Variants in SBNO2 observed in about 807,000 individuals in gnomAD.
SBNO2 encodes the protein strawberry notch homolog 2.
Under a neutral mutation model 146.3 loss-of-function variants are expected in SBNO2, and 89 were observed. The ratio of observed to expected loss-of-function variants is 0.61; its 90% CI spans 0.51 to 0.73. SBNO2 has a LOEUF of 0.73. Among genes scored for constraint, SBNO2 ranks in the 30% least tolerant of loss-of-function variants. The probability of loss-of-function intolerance (pLI) is 0.00; values close to 1 mark genes in which losing one functional copy is unlikely to be tolerated. For synonymous variants in SBNO2, 1,147 were observed against 892.6 expected (o/e 1.29, Z -5.08); for missense variants, 2,092 against 2,003.7 (o/e 1.04, Z -0.84).
At chr19:1,121,302 A>G (rs2079898247) in intron 11 of SBNO2, among the ~76,000 whole-genome samples, 1 of 152,252 alleles carries the variant, frequency 6.6e-6, no homozygotes, top group South Asian at 2.1e-4. Flanking sequence ...GTAGCAGCTC[A>G]GCGAGGTATG....
intron 4 of SBNO2, 90 bp from the exon 5 acceptor site, chr19:1,127,855 C>G: frequency 8.3e-7 from 1 of 1,207,046 alleles, no homozygotes; most frequent in East Asian, 2.4e-5. Flanking sequence ...GGAGACACCA[C>G]GGCCCTCCAC....
chr19:1,156,535 C>A (rs1034541317), intron 1 of SBNO2, among the ~76,000 whole-genome samples: 2 of 152,142 alleles, frequency 1.3e-5, no homozygotes, highest in African/African-American at 2.4e-5. Context: ...CCACACCACA[C>A]AGAAACGTGG....
intron 15 of SBNO2, 103 bp downstream of exon 15, chr19:1,117,220 C>A (rs1393960939): frequency 3.3e-6 from 4 of 1,225,372 alleles, no homozygotes; most frequent in Non-Finnish European, 4.5e-6. Flanking sequence ...GGGTGCAGCC[C>A]CCGCCCACGT....
rs1328417971 is a variant in SBNO2 at position 1,137,191 on chromosome 19, GT to G, written c.280-9427del. On this transcript the variant is annotated intron_variant, in intron 4 of 31. Coordinates refer to ENST00000361757, the MANE Select transcript of SBNO2 (RefSeq NM_014963.3). Reference sequence around the variant, plus strand: ...GGGGAGAGGCTTGGGCTGGGGTGCGGTTGGGGGAGGCTGGCACTGGGGTGCA... The same window carrying G: ...GGGGAGAGGCTTGGGCTGGGGTGCGGTGGGGGAGGCTGGCACTGGGGTGCA... Among the ~76,000 whole-genome samples the G allele has an allele frequency of 2.5e-4, 34 of 134,150 alleles. 2 individuals are homozygous for G. The highest frequency in any genetic ancestry group is 1.0e-3 in the African/African-American group (33 of 32,958). 88.0% of individuals were successfully genotyped at this position (134,150 alleles called of 152,430 possible).
At chr19:1,121,639 C>T (rs368766057) in intron 11 of SBNO2, among the ~76,000 whole-genome samples, 2 of 152,186 alleles carry the variant, frequency 1.3e-5, no homozygotes, top group Non-Finnish European at 1.5e-5. Flanking sequence ...GGAGCCCCTC[C>T]GAACCGCAGC....
rs1021725248 is a variant in SBNO2 at position 1,112,418 on chromosome 19, G to A, written c.2499C>T (p.Arg833=). 5.5e-5 allele frequency: 89 copies of A among 1,604,366 alleles called. No individual in the cohort carries two copies. The highest frequency in any genetic ancestry group is 6.9e-5 in the Non-Finnish European group (81 of 1,177,952). Residue 833 remains arginine (R), a synonymous_variant, in exon 21 of 32, where the codon CGC becomes CGT. Transcript: ENST00000361757. The surrounding 1 kb of genome is among the most constrained non-coding windows in gnomAD (Gnocchi z 5.9). The part of the protein sequence containing the change: ...MTLELPWSAD[R]AIQQFGRTHR... ...CGGACTCACCGAACTGCTGGATGGC[G>A]CGGTCGGCGCTCCACGGCAGCTCCA...
At chr19:1,129,833 C>G (rs2080008421) in intron 4 of SBNO2, among the ~76,000 whole-genome samples, 1 of 152,162 alleles carries the variant, frequency 6.6e-6, no homozygotes, top group Non-Finnish European at 1.5e-5. Context: ...ATGCGTGGGT[C>G]ACACGGCCAG....
Position 1,109,618 on chromosome 19 carries a change from G to A in SBNO2, c.3124-20C>T. On this transcript the variant is annotated intron_variant, in intron 27 of 31. Transcript: ENST00000361757. The surrounding 1 kb of genome is among the most constrained non-coding windows in gnomAD (Gnocchi z 4.2). ...GCTGATCTGCCACGGCACGGGGTGG[G>A]GGGGTGTGAGTGTGGTGGGGGCGGG... 2 of 1,566,036 alleles carry A rather than the reference G, an allele frequency of 1.3e-6. No individual in the cohort carries two copies. Among genetic ancestry groups the A allele is most frequent in the South Asian group, 1.2e-5 (1 of 85,568 alleles).
At chr19:1,166,501 C>T (rs2080426327) in intron 1 of SBNO2, among the ~76,000 whole-genome samples, 1 of 152,066 alleles carries the variant, frequency 6.6e-6, no homozygotes, top group Non-Finnish European at 1.5e-5. Context: ...TGTTTATTTT[C>T]AGTCTTTTGG....
At position 1,123,014 on chromosome 19, in the gene SBNO2, C is replaced by T. The variant is rs372588048; in HGVS notation, c.660G>A (p.Val220=). Residue 220 remains valine, a synonymous_variant, in exon 8 of 32, where the codon GTG becomes GTA. Coordinates refer to ENST00000361757, the MANE Select transcript of SBNO2 (RefSeq NM_014963.3). ...CGCTGGACAGTGTGCTGGTCTCCAC[C>T]ACGCGGTCTGGGTGCTGCTTCCCGA... ...SKIGKQHPDR[V]VETSTLSSVP... 1 of 1,589,476 alleles carries T rather than the reference C, an allele frequency of 6.3e-7. No individual in the cohort carries two copies.
chr19:1,131,746 G>A (rs2145253857), intron 4 of SBNO2, among the ~76,000 whole-genome samples: 1 of 152,334 alleles, frequency 6.6e-6, no homozygotes, highest in Middle Eastern at 3.4e-3. Flanking sequence ...AGAAGGAGGG[G>A]GACGCAGCCC....
chr19:1,116,212 A>T (rs2079830372), intron 16 of SBNO2, 109 bp from the exon 17 acceptor site: 4 of 977,768 alleles, frequency 4.1e-6, no homozygotes, highest in Non-Finnish European at 6.1e-6. Flanking sequence ...CCCGGACAGG[A>T]CCGGGCCTGG....
At position 1,114,257 on chromosome 19, in the gene SBNO2, G is replaced by A; in HGVS notation, c.2051C>T (p.Ala684Val). The part of the protein sequence containing the change: ...LVDDDVVIVD[A>V]VGLPSDDRGP... ...CCGGTCGTCACTGGGGAGCCCGACT[G>A]CATCAACGATGACAACGTCGTCATC... Residue 684 changes from alanine (A) to valine (V), a missense_variant, in exon 18 of 32, where the codon GCA becomes GTA. Physicochemically the swap from Ala to Val is moderately conservative, Grantham distance 64 (BLOSUM62 0). Coordinates refer to ENST00000361757, the MANE Select transcript of SBNO2 (RefSeq NM_014963.3). 2 of 1,538,848 alleles carry A rather than the reference G, an allele frequency of 1.3e-6. No individual in the cohort carries two copies. The highest frequency in any genetic ancestry group is 1.8e-6 in the Non-Finnish European group (2 of 1,140,362).
intron 2 of SBNO2, among the ~76,000 whole-genome samples, chr19:1,149,856 G>A (rs574846628): frequency 9.2e-5 from 14 of 152,292 alleles, no homozygotes; most frequent in South Asian, 6.2e-4. Flanking sequence ...ACGCGCACCC[G>A]CTGCCTGTGG....
intron 5 of SBNO2, 48 bp downstream of exon 5, chr19:1,127,556 G>C: frequency 6.3e-7 from 1 of 1,581,188 alleles, no homozygotes; most frequent in Non-Finnish European, 8.6e-7. Context: ...GGGCTGGGGA[G>C]GCCACGCTGG....
intron 1 of SBNO2, among the ~76,000 whole-genome samples, chr19:1,167,287 G>A (rs973017221): frequency 2.0e-5 from 3 of 152,260 alleles, no homozygotes; most frequent in South Asian, 2.1e-4. Context: ...TCCCTCAAAC[G>A]TAGCTGCTGA....
At chr19:1,116,410 T>C (rs1294618365) in intron 16 of SBNO2, among the ~76,000 whole-genome samples, 1 of 148,934 alleles carries the variant, frequency 6.7e-6, no homozygotes, top group Non-Finnish European at 1.5e-5. Context: ...GCTGGGGGCA[T>C]TGGGGAGCTC....
intron 11 of SBNO2, 67 bp downstream of exon 11, chr19:1,122,072 T>G: frequency 2.2e-6 from 1 of 463,044 alleles, no homozygotes; most frequent in Non-Finnish European, 2.9e-6. Flanking sequence ...CTCCCACTCC[T>G]CCATCCTCCT....
chr19:1,111,509 G>A lies in SBNO2; in HGVS notation c.2806C>T (p.Arg936Trp), dbSNP rs750621267. The A allele has an allele frequency of 1.3e-5, 21 of 1,570,910 alleles. No individual in the cohort carries two copies. Among genetic ancestry groups the A allele is most frequent in the Middle Eastern group, 1.7e-4 (1 of 6,032 alleles). The part of the protein sequence containing the change: ...GYPGGVPTFF[R>W]DMKQGLLSVG... Reference sequence around the variant, plus strand: ...GACCCCCACCAGCCCAGCTTACCCCGGAAGAAGGTGGGGACCCCTCCAGGG... The same window carrying A: ...GACCCCCACCAGCCCAGCTTACCCCAGAAGAAGGTGGGGACCCCTCCAGGG... The change falls in exon 24 of 32, where the codon CGG becomes TGG. Residue 936 changes from arginine to tryptophan, a missense_variant. By Grantham distance (101) the Arg-to-Trp change is moderately radical. Transcript: ENST00000361757.
Sources: allele counts gnomAD v4.1 joint callset (sites outside exome capture counted in the v4.1 genomes callset), GRCh38; gene constraint gnomAD v4.1.1; non-coding constraint Gnocchi (gnomAD v3.1); transcripts MANE v1.5; gene names NCBI Gene and HGNC (gene_info 2026-07-23, HGNC 2026-07-21).